GTSE1: variants seen among roughly 807,000 people sequenced by gnomAD.
GTSE1 encodes G2 and S phase-expressed protein 1.
A neutral mutation model predicts 60.5 loss-of-function variants in GTSE1; 52 were observed. That is an observed-to-expected ratio of 0.86 (90% CI 0.69 to 1.08). The LOEUF (loss-of-function observed/expected upper bound fraction) is 1.08, where lower values mean the gene tolerates loss of function less well. Ranked by LOEUF, GTSE1 falls within the 50% of genes least tolerant of loss-of-function variation. GTSE1 has a pLI of 0.00. For missense variants in GTSE1, 937 were observed against 961.8 expected (o/e 0.97, Z 0.34); for synonymous variants, 368 against 386.5 (o/e 0.95, Z 0.56).
rs529283497 is a variant in GTSE1 at position 46,304,768 on chromosome 22, C to T, written c.80-3382C>T. ...CCAAGGTAGGAGGAATGCTTGTTCC[C>T]AGCAGTTTGAGACCAGCCTGGGCAA... On this transcript the variant is annotated intron_variant, in intron 2 of 11. Transcript: ENST00000454366. The surrounding 1 kb of genome is among the most constrained non-coding windows in gnomAD (Gnocchi z 4.4). Among the ~76,000 whole-genome samples, 422 of 152,166 alleles carry T rather than the reference C, an allele frequency of 2.8e-3. 3 individuals are homozygous for T. Among genetic ancestry groups the T allele is most frequent in the African/African-American group, 9.8e-3 (405 of 41,506 alleles).
At chr22:46,298,044 CCT>C (rs1290237323) in intron 2 of GTSE1, among the ~76,000 whole-genome samples, 1 of 152,016 alleles carries the variant, frequency 6.6e-6, no homozygotes, top group Admixed American at 6.6e-5. Context: ...CTCACTGCAA[CCT>C]CTCTCTCCTG....
Position 46,297,440 on chromosome 22 carries a change from C to G in GTSE1, c.40C>G (p.Arg14Gly), listed in dbSNP as rs201036893. 2,693 of 1,613,820 alleles carry G rather than the reference C, an allele frequency of 1.7e-3. 52 individuals are homozygous for G. The South Asian group carries it at 0.028, about 17-fold the overall frequency. The change falls in exon 2 of 12, where the codon CGG becomes GGG. Residue 14 changes from arginine (R) to glycine (G), a missense_variant. Coordinates refer to ENST00000454366, the MANE Select transcript of GTSE1 (RefSeq NM_016426.7). The surrounding 1 kb of genome is among the most constrained non-coding windows in gnomAD (Gnocchi z 4.9). ...CGGCCGCGATGAGCCTTCAGCCTGCCGGGCAGGGGACGTGAACATGGATGA... is the reference window on the plus strand; with the variant it reads ...CGGCCGCGATGAGCCTTCAGCCTGCGGGGCAGGGGACGTGAACATGGATGA... ...GGGRDEPSAC[R>G]AGDVNMDDPK...
At chr22:46,300,624 G>A (rs986287649) in intron 2 of GTSE1, among the ~76,000 whole-genome samples, 3 of 152,166 alleles carry the variant, frequency 2.0e-5, no homozygotes, top group African/African-American at 4.8e-5. Context: ...CACCCTCCAG[G>A]GTGGGCTGCA....
rs576401901 is a variant in GTSE1 at position 46,297,837 on chromosome 22, G to T, written c.79+358G>T. On this transcript the variant is annotated intron_variant, in intron 2 of 11. Coordinates refer to ENST00000454366, the MANE Select transcript of GTSE1 (RefSeq NM_016426.7). The surrounding 1 kb of genome is among the most constrained non-coding windows in gnomAD (Gnocchi z 4.9). ...TTAGGATCTTTGAGACCATGTTAAT[G>T]AGTAAGCCTGGCCCCAAACCCCTTT... 6.6e-6 allele frequency among the ~76,000 whole-genome samples: 1 copy of T among 152,302 alleles called. No homozygotes were observed. Among genetic ancestry groups the T allele is most frequent in the African/African-American group, 2.4e-5 (1 of 41,558 alleles).
In GTSE1 at chr22:46,329,127, C is replaced by T; in HGVS notation, c.1927-231C>T. On this transcript the variant is annotated intron_variant, in intron 10 of 11. Coordinates refer to ENST00000454366, the MANE Select transcript of GTSE1 (RefSeq NM_016426.7). The surrounding 1 kb of genome is among the most constrained non-coding windows in gnomAD (Gnocchi z 6.4). The stretch of plus-strand genomic sequence containing the variant: ...GGATCAAAGCTGAGGAAGCGGGAAG[C>T]AGGGTGGCAGGAGCTGGTGGCTGCT... 1 of 624,334 alleles carries T rather than the reference C, an allele frequency of 1.6e-6. No individual in the cohort carries two copies. The allele number at this position is 624,334 out of a possible 1,614,324, so 38.7% of individuals were successfully genotyped here. A position where few individuals can be genotyped will look rare whatever the true frequency, so the allele number is the denominator to read the frequency against.
chr22:46,329,477 A>C lies in GTSE1; in HGVS notation c.2046A>C (p.Val682=), dbSNP rs760684023. 6.2e-7 allele frequency: 1 copy of C among 1,614,180 alleles called. No individual in the cohort carries two copies. Among genetic ancestry groups the C allele is most frequent in the South Asian group, 1.1e-5 (1 of 91,088 alleles). ...FCDTPEAHVA[V]GSESRPLIDL... Reference sequence around the variant, plus strand: ...ATACCCCAGAAGCACACGTGGCTGTAGGATCTGAAAGCAGGCCTCTGATCG... The same window carrying C: ...ATACCCCAGAAGCACACGTGGCTGTCGGATCTGAAAGCAGGCCTCTGATCG... The change falls in exon 11 of 12, where the codon GTA becomes GTC. Residue 682 remains valine, a synonymous_variant. Coordinates refer to ENST00000454366, the MANE Select transcript of GTSE1 (RefSeq NM_016426.7). This position sits in a 1 kb window ranked among gnomAD's most constrained non-coding sequence, Gnocchi z 6.4.
rs908079742 is a variant in GTSE1 at position 46,318,109 on chromosome 22, A to G, written c.1432+1697A>G. Among the ~76,000 whole-genome samples the G allele has an allele frequency of 1.1e-4, 16 of 152,348 alleles. No homozygotes were observed. The highest frequency in any genetic ancestry group is 2.6e-4 in the Admixed American group (4 of 15,300). On this transcript the variant is annotated intron_variant, in intron 7 of 11. Coordinates refer to ENST00000454366, the MANE Select transcript of GTSE1 (RefSeq NM_016426.7). The surrounding 1 kb of genome is among the most constrained non-coding windows in gnomAD (Gnocchi z 4.8). Reference sequence around the variant, plus strand: ...CAGCCACTGCCTTCTCCAGTCAGTGAGGCCACTGGCCCCAGCAGGTGTCTG... The same window carrying G: ...CAGCCACTGCCTTCTCCAGTCAGTGGGGCCACTGGCCCCAGCAGGTGTCTG...
At chr22:46,328,083 C>T (rs2077854109) in intron 9 of GTSE1, among the ~76,000 whole-genome samples, 1 of 152,234 alleles carries the variant, frequency 6.6e-6, no homozygotes, top group African/African-American at 2.4e-5. Flanking sequence ...GTTGATGGAC[C>T]TGCGGCTTTG....
In GTSE1 at chr22:46,320,578, C is replaced by T. The variant is rs111260671; in HGVS notation, c.1433-2612C>T. Among the ~76,000 whole-genome samples, 3,545 of 152,338 alleles carry T rather than the reference C, an allele frequency of 0.023. 54 individuals are homozygous for T. Among genetic ancestry groups the T allele is most frequent in the Non-Finnish European group, 0.029 (2,002 of 68,032 alleles). ...AGGTGAGGGCTGAGGGCACTCACAGCGTGGGACCACATGAACGGTGCCCTG... is the reference window on the plus strand; with the variant it reads ...AGGTGAGGGCTGAGGGCACTCACAGTGTGGGACCACATGAACGGTGCCCTG... On this transcript the variant is annotated intron_variant, in intron 7 of 11. Coordinates refer to ENST00000454366, the MANE Select transcript of GTSE1 (RefSeq NM_016426.7). This position sits in a 1 kb window ranked among gnomAD's most constrained non-coding sequence, Gnocchi z 7.1.
intron 6 of GTSE1, among the ~76,000 whole-genome samples, chr22:46,315,548 A>C (rs978770316): frequency 6.6e-6 from 1 of 152,234 alleles, no homozygotes; most frequent in African/African-American, 2.4e-5. Context: ...TTGGTAGCTC[A>C]GTATGTATTA....
chr22:46,308,463 C>T lies in GTSE1; in HGVS notation c.282C>T (p.Ala94=), dbSNP rs758900515. The T allele has an allele frequency of 1.5e-5, 24 of 1,614,020 alleles. No individual in the cohort carries two copies. The highest frequency in any genetic ancestry group is 1.4e-5 in the Non-Finnish European group (16 of 1,180,038). Residue 94 remains alanine, a synonymous_variant, in exon 4 of 12, where the codon GCC becomes GCT. Coordinates refer to ENST00000454366, the MANE Select transcript of GTSE1 (RefSeq NM_016426.7). The stretch of plus-strand genomic sequence containing the variant: ...GTCCCTTTGCCTGGAGCCCTCTGGC[C>T]GGGGAGAAGTTCGTGGAGGTGTACA... ...SESPFAWSPL[A]GEKFVEVYKE... is the part of the protein sequence containing the mutation.
chr22:46,325,023 C>T (rs564667398), intron 8 of GTSE1, among the ~76,000 whole-genome samples: 26 of 152,176 alleles, frequency 1.7e-4, no homozygotes, highest in African/African-American at 6.0e-4. Flanking sequence ...AACGTTCTAT[C>T]GACTATGTAG....
chr22:46,308,510 T>C lies in GTSE1; in HGVS notation c.329T>C (p.Leu110Ser). Residue 110 changes from leucine to serine, a missense_variant, in exon 4 of 12, where the codon TTA (leucine) becomes TCA (serine). Transcript: ENST00000454366. The stretch of plus-strand genomic sequence containing the variant: ...TACAAAGAAGCTCACTTACTGGCTT[T>C]ACACATTGAGAGCAGCAGCCGGAAC... ...EVYKEAHLLALHIESSSRNQA... is the reference protein window; with the variant it reads ...EVYKEAHLLASHIESSSRNQA... 6.2e-7 allele frequency: 1 copy of C among 1,614,162 alleles called. No homozygotes were observed. Among genetic ancestry groups the C allele is most frequent in the Non-Finnish European group, 8.5e-7 (1 of 1,180,020 alleles).
chr22:46,300,973 C>T (rs1405225623), intron 2 of GTSE1, among the ~76,000 whole-genome samples: 2 of 152,238 alleles, frequency 1.3e-5, no homozygotes, highest in African/African-American at 4.8e-5. Flanking sequence ...AGCCAACACG[C>T]ATAGAGTGTT....
chr22:46,297,386 C>T lies in GTSE1; in HGVS notation c.-15C>T. The T allele has an allele frequency of 6.2e-7, 1 of 1,604,042 alleles. No individual in the cohort carries two copies. On this transcript the variant is annotated 5_prime_UTR_variant, in exon 2 of 12. Transcript: ENST00000454366. The surrounding 1 kb of genome is among the most constrained non-coding windows in gnomAD (Gnocchi z 4.9). ...GCCCCGTTCCACCCTGCAGTGACTT[C>T]TGACAGCTCTCTCCATGGAAGGAGG...
chr22:46,322,467 GCACATGTGC>G (rs1295265477), intron 7 of GTSE1, among the ~76,000 whole-genome samples: 1 of 152,158 alleles, frequency 6.6e-6, no homozygotes, highest in Non-Finnish European at 1.5e-5. Flanking sequence ...AGGCCCCAGA[GCACATGTGC>G]TGATACTCAA....
intron 8 of GTSE1, among the ~76,000 whole-genome samples, chr22:46,325,457 A>G (rs2147832777): frequency 6.6e-6 from 1 of 151,854 alleles, no homozygotes. Flanking sequence ...CGGCCTCCCA[A>G]AGTGCTGGGA....
chr22:46,312,638 CAA>C (rs60392526), intron 5 of GTSE1, among the ~76,000 whole-genome samples: 48 of 59,718 alleles, frequency 8.0e-4, no homozygotes, highest in Admixed American at 1.6e-3. Context: ...GACCCTGTCT[CAA>C]AAAAAAAAAA....
intron 4 of GTSE1, 81 bp from the exon 5 acceptor site, chr22:46,312,060 C>T: frequency 1.6e-6 from 2 of 1,216,520 alleles, no homozygotes; most frequent in South Asian, 1.4e-5. Context: ...GGGGCCTAGG[C>T]TCGCTCTGAA....
Sources: allele counts gnomAD v4.1 joint callset (sites outside exome capture counted in the v4.1 genomes callset), GRCh38; gene constraint gnomAD v4.1.1; non-coding constraint Gnocchi (gnomAD v3.1); transcripts MANE v1.5; gene names NCBI Gene and HGNC (gene_info 2026-07-23, HGNC 2026-07-21).